IGFALS: variants seen among roughly 807,000 people sequenced by gnomAD.
The protein encoded by IGFALS is insulin-like growth factor-binding protein complex acid labile subunit.
In IGFALS, 2 loss-of-function variants were observed where a neutral mutation model predicts 2.6. The observed-to-expected ratio is 0.77, with a 90% CI of 0.32 to 2.44. The LOEUF is 2.44. Among genes scored for constraint, IGFALS ranks in the 30% most tolerant of loss-of-function variants. The probability of loss-of-function intolerance (pLI) is 0.11; values close to 1 mark genes in which losing one functional copy is unlikely to be tolerated. For synonymous variants in IGFALS, 519 were observed against 431.9 expected (o/e 1.20, Z -2.50); for missense variants, 996 against 848.7 (o/e 1.17, Z -2.16).
rs1897220841 is a variant in IGFALS at position 1,791,352 on chromosome 16, C to T, written c.1066G>A (p.Gly356Ser). ...ACGTTGGTGAGGCCGAGGAAAGCGC[C>T]CGCCTTGACCTCCTGGAGCTGGTTG... is the stretch of plus-strand genomic sequence containing the variant. ...DHNQLQEVKA[G>S]AFLGLTNVAV... The change falls in exon 2 of 2, where the codon GGC becomes AGC. Residue 356 changes from glycine (G) to serine (S), a missense_variant. By Grantham distance (56) the Gly-to-Ser change is moderately conservative (BLOSUM62 0). Coordinates refer to ENST00000215539, the MANE Select transcript of IGFALS (RefSeq NM_004970.3). 4.4e-6 allele frequency: 7 copies of T among 1,608,272 alleles called. No homozygotes were observed. The highest frequency in any genetic ancestry group is 1.3e-5 in the African/African-American group (1 of 74,912).
intron 1 of IGFALS, among the ~76,000 whole-genome samples, chr16:1,792,825 G>C (rs1461779892): frequency 6.6e-6 from 1 of 152,258 alleles, no homozygotes; most frequent in Non-Finnish European, 1.5e-5. Flanking sequence ...TCTGCAGCAG[G>C]TCTTGGTGGG....
rs1390798581 is a variant in IGFALS, at chr16:1,790,961, C to T, written c.1457G>A (p.Trp486Ter). Residue 486 changes from tryptophan (W) to a stop codon, truncating the protein, a stop_gained, in exon 2 of 2, where the codon TGG becomes TAG. Coordinates refer to ENST00000215539, the MANE Select transcript of IGFALS (RefSeq NM_004970.3). LOFTEE classifies it low-confidence loss of function (END_TRUNC). ...DALGPLQRAFWLDVSHNRLEA... is the reference protein window; with the variant it reads ...DALGPLQRAF ...CAGGCGGTTGTGCGAGACGTCCAGC[C>T]AGAAGGCCCGCTGCAGGGGGCCCAG... 1 of 1,596,870 alleles carries T rather than the reference C, an allele frequency of 6.3e-7. No individual in the cohort carries two copies. Among genetic ancestry groups the T allele is most frequent in the Admixed American group, 1.7e-5 (1 of 59,710 alleles).
Position 1,791,298 on chromosome 16 carries a change from G to A in IGFALS, c.1120C>T (p.Leu374Phe), listed in dbSNP as rs1208479130. The stretch of plus-strand genomic sequence containing the variant: ...AACACCTGCTCCGGAAGGTTCCGGA[G>A]ACAGTTCCCAGAGAGGTTCATGACC... Reference protein sequence around the residue: ...VAVMNLSGNCLRNLPEQVFRG... With the variant: ...VAVMNLSGNCFRNLPEQVFRG... Residue 374 changes from leucine to phenylalanine, a missense_variant, in exon 2 of 2, where the codon CTC (leucine) becomes TTC (phenylalanine). Transcript: ENST00000215539. The A allele has an allele frequency of 3.1e-6, 5 of 1,609,028 alleles. No homozygotes were observed. The highest frequency in any genetic ancestry group is 4.2e-6 in the Non-Finnish European group (5 of 1,179,930).
intron 1 of IGFALS, 111 bp from the exon 2 acceptor site, chr16:1,792,512 C>T (rs1334628021): frequency 7.0e-7 from 1 of 1,433,962 alleles, no homozygotes; most frequent in East Asian, 2.5e-5. Context: ...CTCGAGGTCA[C>T]CCGCTGAGAT....
Position 1,792,419 on chromosome 16 carries a change from TG to T in IGFALS, c.17-19del. The T allele has an allele frequency of 6.5e-7, 1 of 1,536,044 alleles. No homozygotes were observed. ...CAGGCCTCCTGCGGGGGGAGAGGCTTGGGGAGGCGGCCCGAGGAGGGCTCTG... is the reference window on the plus strand; with the variant it reads ...CAGGCCTCCTGCGGGGGGAGAGGCTTGGGAGGCGGCCCGAGGAGGGCTCTG... On this transcript the variant is annotated intron_variant, in intron 1 of 1. Coordinates refer to ENST00000215539, the MANE Select transcript of IGFALS (RefSeq NM_004970.3).
At chr16:1,793,512 C>T (rs1004621930) in intron 1 of IGFALS, 125 bp downstream of exon 1, 57 of 853,324 alleles carry the variant, frequency 6.7e-5, no homozygotes, top group Non-Finnish European at 9.8e-5. Flanking sequence ...CCAGAGTCCC[C>T]CGCAGACCCC....
Position 1,792,030 on chromosome 16 carries a change from C to T in IGFALS, c.388G>A (p.Glu130Lys). The T allele has an allele frequency of 1.2e-6, 2 of 1,610,556 alleles. No individual in the cohort carries two copies. Among genetic ancestry groups the T allele is most frequent in the South Asian group, 2.2e-5 (2 of 90,874 alleles). Residue 130 changes from glutamate (E) to lysine (K), a missense_variant, in exon 2 of 2, where the codon GAG becomes AAG. Glu to Lys is a moderately conservative substitution (Grantham distance 56). Coordinates refer to ENST00000215539, the MANE Select transcript of IGFALS (RefSeq NM_004970.3). ...GCCAGGCTGCGCAGCTGGTTCCGCT[C>T]CAGGTGCAGGTGGCACAGGTTCTCT... is the stretch of plus-strand genomic sequence containing the variant. The part of the protein sequence containing the change: ...GLENLCHLHL[E>K]RNQLRSLALG...
chr16:1,792,794 G>C (rs563884381), intron 1 of IGFALS, among the ~76,000 whole-genome samples: 1 of 152,350 alleles, frequency 6.6e-6, no homozygotes, highest in Admixed American at 6.5e-5. Context: ...ATTGGCCAAG[G>C]TCCGGCCATT....
chr16:1,794,907 T>C (rs771085360), upstream of IGFALS: 1 of 702,258 alleles, frequency 1.4e-6, no homozygotes, highest in South Asian at 1.5e-5. Context: ...TTATCGAGAA[T>C]TGATCATTTT....
chr16:1,794,692 G>T (rs1020857015), upstream of IGFALS: 2 of 607,282 alleles, frequency 3.3e-6, no homozygotes, highest in African/African-American at 3.7e-5. Flanking sequence ...CCCTCCCCTG[G>T]CTGTCAGTGG....
chr16:1,794,849 C>A (rs1192733897), upstream of IGFALS: 1 of 702,312 alleles, frequency 1.4e-6, no homozygotes, highest in Admixed American at 2.0e-5. Flanking sequence ...CTGGCAGGCC[C>A]CGTGCAGAGC....
At chr16:1,793,232 T>G (rs1684543616) in intron 1 of IGFALS, among the ~76,000 whole-genome samples, 2 of 151,998 alleles carry the variant, frequency 1.3e-5, no homozygotes, top group African/African-American at 4.8e-5. Flanking sequence ...AGCTCAGGCT[T>G]GGGGGTGGCC....
rs370272076 is a variant in IGFALS at position 1,791,734 on chromosome 16, G to A, written c.684C>T (p.Asn228=). 33 of 1,554,932 alleles carry A rather than the reference G, an allele frequency of 2.1e-5. No individual in the cohort carries two copies. The highest frequency in any genetic ancestry group is 9.5e-5 in the African/African-American group (7 of 73,604). The change falls in exon 2 of 2, where the codon AAC becomes AAT. Residue 228 remains asparagine, a synonymous_variant. Coordinates refer to ENST00000215539, the MANE Select transcript of IGFALS (RefSeq NM_004970.3). ...AELRELDLSR[N]ALRAIKANVF... ...CGTTTGCCTTGATGGCCCGCAGCGC[G>A]TTCCTGCTCAGGTCCAGCTCCCGGA...
chr16:1,793,151 C>T (rs1050585685), intron 1 of IGFALS, among the ~76,000 whole-genome samples: 2 of 152,138 alleles, frequency 1.3e-5, no homozygotes, highest in African/African-American at 2.4e-5. Flanking sequence ...GTGGCAGGGG[C>T]GAGGTGGGGC....
rs180788333 is a variant in IGFALS, at chr16:1,793,078, G to A, written c.16+559C>T. Among the ~76,000 whole-genome samples, 32 of 152,332 alleles carry A rather than the reference G, an allele frequency of 2.1e-4. No individual in the cohort carries two copies. In the East Asian group the frequency reaches 5.2e-3, roughly 25 times the overall value. ...CCCAGCCAGCAGGCTCCCAAGCAGCGATGACCCAAAACCTCTACTGTATGG... is the reference window on the plus strand; with the variant it reads ...CCCAGCCAGCAGGCTCCCAAGCAGCAATGACCCAAAACCTCTACTGTATGG... On this transcript the variant is annotated intron_variant, in intron 1 of 1. Transcript: ENST00000215539.
At position 1,790,845 on chromosome 16, in the gene IGFALS, GCT is replaced by G. The variant is rs1567240542; in HGVS notation, c.1571_1572del (p.Gln524ProfsTer12). 6.4e-7 allele frequency: 1 copy of G among 1,566,558 alleles called. No homozygotes were observed. The highest frequency in any genetic ancestry group is 8.6e-7 in the Non-Finnish European group (1 of 1,156,770). On this transcript the variant is annotated frameshift_variant, in exon 2 of 2. Coordinates refer to ENST00000215539, the MANE Select transcript of IGFALS (RefSeq NM_004970.3). LOFTEE classifies it low-confidence loss of function (END_TRUNC). ...RNNSLRTFTP[Q>X]PPGLERLWLE... ...AGCCACAGGCGCTCCAGGCCCGGGGGCTGCGGCGTGAAGGTCCGCAGTGAGTT... is the reference window on the plus strand; with the variant it reads ...AGCCACAGGCGCTCCAGGCCCGGGGGGCGGCGTGAAGGTCCGCAGTGAGTT...
Position 1,792,397 on chromosome 16 carries a change from G to T in IGFALS, c.21C>A (p.Gly7=), listed in dbSNP as rs555923763. ...ACAGCAGCAGCAGCGCCAGGGCCAG[G>T]CCTCCTGCGGGGGGAGAGGCTTGGG... MALRKG[G]LALALLLLSW... is the part of the protein sequence containing the mutation. The change falls in exon 2 of 2, where the codon GGC becomes GGA. Residue 7 remains glycine (G), a synonymous_variant. Coordinates refer to ENST00000215539, the MANE Select transcript of IGFALS (RefSeq NM_004970.3). The T allele has an allele frequency of 1.9e-6, 3 of 1,565,694 alleles. No individual in the cohort carries two copies. In the East Asian group the frequency reaches 6.8e-5, roughly 35 times the overall value.
At position 1,791,496 on chromosome 16, in the gene IGFALS, G is replaced by A. The variant is rs750178700; in HGVS notation, c.922C>T (p.Arg308Cys). ...SHNAIASLRP[R>C]TFKDLHFLEE... The stretch of plus-strand genomic sequence containing the variant: ...AGGAAGTGCAGGTCCTTGAAGGTGC[G>A]GGGCCGCAGGCTGGCGATGGCGTTG... The change falls in exon 2 of 2, where the codon CGC (arginine) becomes TGC (cysteine). Residue 308 changes from arginine (R) to cysteine (C), a missense_variant. Coordinates refer to ENST00000215539, the MANE Select transcript of IGFALS (RefSeq NM_004970.3). The A allele has an allele frequency of 2.3e-5, 37 of 1,609,796 alleles. No individual in the cohort carries two copies. In the East Asian group the frequency reaches 4.0e-4, roughly 18 times the overall value.
At position 1,791,235 on chromosome 16, in the gene IGFALS, C is replaced by T. The variant is rs779977238; in HGVS notation, c.1183G>A (p.Gly395Ser). The change falls in exon 2 of 2, where the codon GGC becomes AGC. Residue 395 changes from glycine to serine, a missense_variant. By Grantham distance (56) the Gly-to-Ser change is moderately conservative. Coordinates refer to ENST00000215539, the MANE Select transcript of IGFALS (RefSeq NM_004970.3). ...GGGCGGATGCGTCCCAGGCAGCTGC[C>T]CTCCAGGTGCAGGCTGTGCAGCTTG... ...LGKLHSLHLE[G>S]SCLGRIRPHT... 2.5e-6 allele frequency: 4 copies of T among 1,608,336 alleles called. No homozygotes were observed. The highest frequency in any genetic ancestry group is 2.7e-5 in the African/African-American group (2 of 74,830).
Sources: allele counts gnomAD v4.1 joint callset (sites outside exome capture counted in the v4.1 genomes callset), GRCh38; gene constraint gnomAD v4.1.1; transcripts MANE v1.5; gene names NCBI Gene and HGNC (gene_info 2026-07-23, HGNC 2026-07-21).